The following VSTM2B variants were observed in gnomAD, a reference collection of about 807,000 sequenced individuals.
The protein encoded by VSTM2B is V-set and transmembrane domain-containing protein 2B.
Under a neutral mutation model 24.0 loss-of-function variants are expected in VSTM2B, and 24 were observed. The ratio of observed to expected loss-of-function variants is 1.00; its 90% CI spans 0.72 to 1.40. The LOEUF is 1.40. Among genes scored for constraint, VSTM2B ranks in the 40% most tolerant of loss-of-function variants. VSTM2B has a pLI of 0.00. For missense variants in VSTM2B, 399 were observed against 416.4 expected, an observed-to-expected ratio of 0.96 and a Z score of 0.36; for synonymous variants, 226 against 194.4, an observed-to-expected ratio of 1.16 and a Z score of -1.35.
At chr19:29,561,888 C>T (rs562367176) in intron 4 of VSTM2B, among the ~76,000 whole-genome samples, 39 of 152,270 alleles carry the variant, frequency 2.6e-4, no homozygotes, top group Admixed American at 1.8e-3. Flanking sequence ...AAACGCAGGA[C>T]GATTCTTCCC....
intron 4 of VSTM2B, among the ~76,000 whole-genome samples, chr19:29,533,684 C>T (rs560685059): frequency 6.6e-5 from 10 of 152,330 alleles, no homozygotes; most frequent in African/African-American, 2.4e-4. Flanking sequence ...CCCACCTCAC[C>T]CCGGTCACCC....
chr19:29,556,096 A>C (rs545782517), intron 4 of VSTM2B, among the ~76,000 whole-genome samples: 1 of 116,882 alleles, frequency 8.6e-6, no homozygotes, highest in African/African-American at 3.3e-5. Flanking sequence ...TCTGGCAGAG[A>C]TACAAAAAAA....
At chr19:29,539,093 C>A (rs1339241985) in intron 4 of VSTM2B, among the ~76,000 whole-genome samples, 2 of 152,012 alleles carry the variant, frequency 1.3e-5, no homozygotes. Context: ...GTGCCACATC[C>A]CCATACTAGT....
intron 4 of VSTM2B, among the ~76,000 whole-genome samples, chr19:29,536,429 C>T (rs1384677015): frequency 6.6e-6 from 1 of 152,176 alleles, no homozygotes; most frequent in Admixed American, 6.5e-5. Flanking sequence ...GAAGTCCACA[C>T]CAAATGGAAT....
At position 29,526,495 on chromosome 19, in the gene VSTM2B, T is replaced by C. The variant is rs1969569868; in HGVS notation, c.-89T>C. 10 of 1,064,770 alleles carry C rather than the reference T, an allele frequency of 9.4e-6. No homozygotes were observed. The highest frequency in any genetic ancestry group is 1.3e-5 in the Non-Finnish European group (10 of 795,612). The allele number at this position is 1,064,770 out of a possible 1,614,324, so 66.0% of individuals were successfully genotyped here. On this transcript the variant is annotated 5_prime_UTR_variant, in exon 1 of 5. Coordinates refer to ENST00000335523, the MANE Select transcript of VSTM2B (RefSeq NM_001146339.2). This position sits in a 1 kb window ranked among gnomAD's most constrained non-coding sequence, Gnocchi z 4.1. Reference sequence around the variant, plus strand: ...CGGGGCCATGGCAGGCTCGGAGGCGTCCTAGCCCGAGCCGGAGCCGATCCG... The same window carrying C: ...CGGGGCCATGGCAGGCTCGGAGGCGCCCTAGCCCGAGCCGGAGCCGATCCG...
At chr19:29,560,616 C>T (rs1164467394) in intron 4 of VSTM2B, among the ~76,000 whole-genome samples, 1 of 152,172 alleles carries the variant, frequency 6.6e-6, no homozygotes, top group Non-Finnish European at 1.5e-5. Flanking sequence ...AGACATCAGC[C>T]TCCAGGAGCC....
intron 4 of VSTM2B, among the ~76,000 whole-genome samples, chr19:29,548,733 T>C (rs550899039): frequency 4.7e-4 from 71 of 152,212 alleles, no homozygotes; most frequent in African/African-American, 1.7e-3. Flanking sequence ...GCCGGGAATG[T>C]GGGAGCTAGG....
Position 29,539,938 on chromosome 19 carries a change from G to A in VSTM2B, c.769+9648G>A, listed in dbSNP as rs1336855907. ...GCTGGAGGCCCACCCACCTGTAATC[G>A]TATAGCTCTAGAGACAGAGAGCCTT... On this transcript the variant is annotated intron_variant, in intron 4 of 4. Coordinates refer to ENST00000335523, the MANE Select transcript of VSTM2B (RefSeq NM_001146339.2). Among the ~76,000 whole-genome samples, 8 of 152,234 alleles carry A rather than the reference G, an allele frequency of 5.3e-5. No individual in the cohort carries two copies. In the East Asian group the frequency reaches 7.7e-4, roughly 15 times the overall value.
chr19:29,533,852 C>T (rs1969821246), intron 4 of VSTM2B, among the ~76,000 whole-genome samples: 1 of 152,246 alleles, frequency 6.6e-6, no homozygotes, highest in South Asian at 2.1e-4. Flanking sequence ...GGCAGCAAGC[C>T]AGCTGCTTTG....
At chr19:29,546,824 T>C (rs1970168793) in intron 4 of VSTM2B, among the ~76,000 whole-genome samples, 1 of 152,208 alleles carries the variant, frequency 6.6e-6, no homozygotes. Context: ...TCAAAAGAGA[T>C]GGAAAACTGG....
In VSTM2B at chr19:29,558,574, G is replaced by A. The variant is rs540017788; in HGVS notation, c.770-5272G>A. Among the ~76,000 whole-genome samples, 6 of 152,272 alleles carry A rather than the reference G, an allele frequency of 3.9e-5. No individual in the cohort carries two copies. In the South Asian group the frequency reaches 1.0e-3, roughly 26 times the overall value. On this transcript the variant is annotated intron_variant, in intron 4 of 4. Transcript: ENST00000335523. ...TGTCCTTTACACGGACATGGATGGA[G>A]CTGGAAGCCATTATCCTCAGGAAAC...
At position 29,526,747 on chromosome 19, in the gene VSTM2B, C is replaced by T. The variant is rs943124700; in HGVS notation, c.82+82C>T. 1.8e-5 allele frequency: 23 copies of T among 1,312,294 alleles called. No homozygotes were observed. Among genetic ancestry groups the T allele is most frequent in the Admixed American group, 1.5e-4 (7 of 46,470 alleles). The allele number at this position is 1,312,294 out of a possible 1,614,324, so 81.3% of individuals were successfully genotyped here. ...CCACCGAGAAGAAGAAGAAAGAGAA[C>T]GAACCGGGAAGCTTCGCGGTCTCCA... On this transcript the variant is annotated intron_variant, in intron 1 of 4. Transcript: ENST00000335523. The surrounding 1 kb of genome is among the most constrained non-coding windows in gnomAD (Gnocchi z 4.1).
intron 4 of VSTM2B, among the ~76,000 whole-genome samples, chr19:29,538,252 C>G (rs544354824): frequency 3.3e-5 from 5 of 152,156 alleles, no homozygotes; most frequent in Non-Finnish European, 7.3e-5. Flanking sequence ...TCTCTCTGTA[C>G]GAGTTCCGTC....
rs1367925234 is a variant in VSTM2B at position 29,544,788 on chromosome 19, G to A, written c.769+14498G>A. Reference sequence around the variant, plus strand: ...GCTTGTATCTGAAGGTTAAAAATGCGAGGCCACCTTTGAAGGACCTGGCCC... The same window carrying A: ...GCTTGTATCTGAAGGTTAAAAATGCAAGGCCACCTTTGAAGGACCTGGCCC... On this transcript the variant is annotated intron_variant, in intron 4 of 4. Transcript: ENST00000335523. Among the ~76,000 whole-genome samples, 7 of 152,260 alleles carry A rather than the reference G, an allele frequency of 4.6e-5. No individual in the cohort carries two copies. The South Asian group carries it at 1.2e-3, about 27-fold the overall frequency.
intron 4 of VSTM2B, among the ~76,000 whole-genome samples, 189 bp from the exon 5 acceptor site, chr19:29,563,657 T>C (rs1036029174): frequency 1.3e-5 from 2 of 152,144 alleles, no homozygotes; most frequent in African/African-American, 4.8e-5. Flanking sequence ...GTATGGTCTG[T>C]AAATTACAAA....
chr19:29,550,168 T>G (rs1970245774), intron 4 of VSTM2B, among the ~76,000 whole-genome samples: 1 of 152,260 alleles, frequency 6.6e-6, no homozygotes, highest in South Asian at 2.1e-4. Flanking sequence ...GAGTGGTGGT[T>G]CTGACCTATA....
At chr19:29,544,525 C>CAAAAAAAAAAAAA (rs58540469) in intron 4 of VSTM2B, among the ~76,000 whole-genome samples, 2 of 54,342 alleles carry the variant, frequency 3.7e-5, no homozygotes, top group East Asian at 7.4e-4. Flanking sequence ...GACTCTGTCT[C>CAAAAAAAAAAAAA]AAAAAAAAAA....
intron 4 of VSTM2B, among the ~76,000 whole-genome samples, chr19:29,531,110 C>A (rs1263140052): frequency 1.3e-4 from 2 of 15,720 alleles, no homozygotes; most frequent in Non-Finnish European, 2.6e-4. Flanking sequence ...GGGGTGGGGG[C>A]GGTGGGGGGC....
intron 4 of VSTM2B, among the ~76,000 whole-genome samples, chr19:29,542,132 T>G (rs111329971): frequency 0.067 from 8,791 of 131,944 alleles, 309 homozygotes; most frequent in Middle Eastern, 0.2. Context: ...GCAGAAGGAT[T>G]ATAAATAGAT....
Sources: gnomAD v4.1 joint callset for allele counts (sites outside exome capture counted in the v4.1 genomes callset) on GRCh38, gnomAD v4.1.1 for gene constraint, Gnocchi (gnomAD v3.1) non-coding constraint, MANE v1.5 for transcripts, NCBI Gene and HGNC (gene_info 2026-07-23, HGNC 2026-07-21) for gene names.